The following PGAP1 variants were observed in gnomAD, a reference collection of about 807,000 sequenced individuals.
PGAP1 encodes the protein post-GPI attachment to proteins inositol deacylase 1, also known as GPI inositol-deacylase.
A neutral mutation model predicts 127.0 loss-of-function variants in PGAP1; 76 were observed. The observed-to-expected ratio is 0.60, with a 90% confidence interval of 0.50 to 0.72. The LOEUF is 0.72. PGAP1 is among the 30% of genes least tolerant of loss of function. The pLI is 0.00. For missense variants in PGAP1, 982 were observed against 1,071.3 expected (o/e 0.92, Z 1.16); for synonymous variants, 362 against 366.5 (o/e 0.99, Z 0.14).
rs1028098623 is a variant in PGAP1 at position 196,840,484 on chromosome 2, C to G, written c.*750G>C. Reference sequence around the variant, plus strand: ...ATACCAGGAAGCAAATAGCTACGAGCATTTTTTCTTTACATTTAACAGCAG... The same window carrying G: ...ATACCAGGAAGCAAATAGCTACGAGGATTTTTTCTTTACATTTAACAGCAG... On this transcript the variant is annotated 3_prime_UTR_variant, in exon 27 of 27. Transcript: ENST00000354764. 1.3e-5 allele frequency: 2 copies of G among 151,956 alleles called. No individual in the cohort carries two copies. The highest frequency in any genetic ancestry group is 1.3e-4 in the Admixed American group (2 of 15,262). The allele number at this position is 151,956 out of a possible 1,614,324, so 9.4% of individuals were successfully genotyped here. A position where few individuals can be genotyped will look rare whatever the true frequency, so the allele number is the denominator to read the frequency against.
chr2:196,905,595 G>C (rs553979697), intron 4 of PGAP1, among the ~76,000 whole-genome samples: 1 of 152,126 alleles, frequency 6.6e-6, no homozygotes, highest in Non-Finnish European at 1.5e-5. Context: ...CGGGAGGGAG[G>C]AGCCAAGATG....
intron 1 of PGAP1, among the ~76,000 whole-genome samples, chr2:196,921,452 C>A (rs1424604408): frequency 1.3e-5 from 2 of 151,890 alleles, no homozygotes; most frequent in East Asian, 1.9e-4. Flanking sequence ...AGAATACAAT[C>A]AAAAATGAAA....
chr2:196,889,804 A>G (rs1395945900), intron 10 of PGAP1, among the ~76,000 whole-genome samples: 1 of 148,022 alleles, frequency 6.8e-6, no homozygotes, highest in Non-Finnish European at 1.5e-5. Flanking sequence ...GCTTGCAGTG[A>G]GCCGAGACTG....
chr2:196,864,738 A>T (rs1343942743), intron 20 of PGAP1, among the ~76,000 whole-genome samples: 1 of 152,196 alleles, frequency 6.6e-6, no homozygotes, highest in African/African-American at 2.4e-5. Flanking sequence ...AAACGTAATA[A>T]AGATGCAGAG....
rs189053249 is a variant in PGAP1 at position 196,888,811 on chromosome 2, A to T, written c.1173+2017T>A. On this transcript the variant is annotated intron_variant, in intron 10 of 26. Transcript: ENST00000354764. Reference sequence around the variant, plus strand: ...TAATTTGGTTGGATGAAATAATGGTATTATGGTAATGTATAAAATCCTTAT... The same window carrying T: ...TAATTTGGTTGGATGAAATAATGGTTTTATGGTAATGTATAAAATCCTTAT... Among the ~76,000 whole-genome samples, 804 of 152,294 alleles carry T rather than the reference A, an allele frequency of 5.3e-3. 4 individuals are homozygous for T. Among genetic ancestry groups the T allele is most frequent in the Non-Finnish European group, 9.6e-3 (650 of 68,012 alleles).
chr2:196,899,806 G>A (rs1195537887), intron 5 of PGAP1, among the ~76,000 whole-genome samples: 7 of 149,182 alleles, frequency 4.7e-5, no homozygotes, highest in African/African-American at 2.6e-5. Flanking sequence ...GGCCGAGGCG[G>A]GTGGATCACC....
Position 196,890,862 on chromosome 2 carries a change from AT to A in PGAP1, c.1138del (p.Ile380SerfsTer22). On this transcript the variant is annotated frameshift_variant, in exon 10 of 27. Transcript: ENST00000354764. LOFTEE classifies it high-confidence loss of function. ...GCTCTGACAATAGACATGAGTGTAGATTTTTCTATGATTTTCAAGAGGAAAT... is the reference window on the plus strand; with the variant it reads ...GCTCTGACAATAGACATGAGTGTAGATTTTCTATGATTTTCAAGAGGAAAT... ...FTFPLENHRK[I>X]YTHVYCQSTM... 1.3e-6 allele frequency: 2 copies of A among 1,552,408 alleles called. No individual in the cohort carries two copies.
At chr2:196,905,042 A>G (rs1702648479) in intron 4 of PGAP1, among the ~76,000 whole-genome samples, 1 of 152,208 alleles carries the variant, frequency 6.6e-6, no homozygotes, top group Non-Finnish European at 1.5e-5. Flanking sequence ...ATATAGAATA[A>G]AAAGGAAAGA....
chr2:196,901,133 G>A (rs966453061), intron 5 of PGAP1, among the ~76,000 whole-genome samples: 6 of 152,156 alleles, frequency 3.9e-5, no homozygotes, highest in African/African-American at 1.2e-4. Flanking sequence ...TGACTAAATC[G>A]TCTGTGTTTA....
chr2:196,873,055 T>C (rs775786696), intron 16 of PGAP1, 29 bp from the exon 17 acceptor site: 5 of 672,104 alleles, frequency 7.4e-6, no homozygotes, highest in African/African-American at 5.7e-5. Context: ...AATGTATTAT[T>C]AACAACATGT....
intron 4 of PGAP1, among the ~76,000 whole-genome samples, chr2:196,905,528 CTG>C (rs1702668030): frequency 6.6e-6 from 1 of 152,122 alleles, no homozygotes; most frequent in South Asian, 2.1e-4. Context: ...TTTGGAGTCA[CTG>C]GGGAATATTT....
chr2:196,896,241 A>G (rs1702263826), intron 7 of PGAP1, among the ~76,000 whole-genome samples: 2 of 152,222 alleles, frequency 1.3e-5, no homozygotes, highest in African/African-American at 2.4e-5. Flanking sequence ...AATTACAGAC[A>G]AGGTAAAACT....
At position 196,885,895 on chromosome 2, in the gene PGAP1, CACAAA is replaced by C. The variant is rs749955389; in HGVS notation, c.1174-20_1174-16del. The C allele has an allele frequency of 5.8e-6, 8 of 1,382,648 alleles. No individual in the cohort carries two copies. Among genetic ancestry groups the C allele is most frequent in the Non-Finnish European group, 7.5e-6 (8 of 1,061,896 alleles). 85.6% of individuals were successfully genotyped at this position (1,382,648 alleles called of 1,614,324 possible). On this transcript the variant is annotated splice_polypyrimidine_tract_variant and intron_variant, in intron 10 of 26. Coordinates refer to ENST00000354764, the MANE Select transcript of PGAP1 (RefSeq NM_024989.4). Reference sequence around the variant, plus strand: ...CTATTTGTATCCTGTTGATGAACAGCACAAAACAAAACACACTAAGTATTGTAGAA... The same window carrying C: ...CTATTTGTATCCTGTTGATGAACAGCACAAAACACACTAAGTATTGTAGAA...
At chr2:196,899,673 G>A (rs761833930) in intron 5 of PGAP1, among the ~76,000 whole-genome samples, 6 of 152,334 alleles carry the variant, frequency 3.9e-5, no homozygotes, top group South Asian at 4.1e-4. Flanking sequence ...ACTGCTAAAT[G>A]TCTACCAAAA....
chr2:196,901,183 AT>A (rs1255360147), intron 5 of PGAP1, among the ~76,000 whole-genome samples: 2 of 152,190 alleles, frequency 1.3e-5, no homozygotes, highest in Non-Finnish European at 2.9e-5. Context: ...CTTCCAACAA[AT>A]ATCTGACCAA....
rs1366493438 is a variant in PGAP1, at chr2:196,839,287, A to G, written c.*1947T>C. On this transcript the variant is annotated 3_prime_UTR_variant, in exon 27 of 27. Transcript: ENST00000354764. ...TGTAATCTGTAACTTGAGATACACT[A>G]AAATATCAGGTGACAGAATAAAAGA... 6.6e-6 allele frequency: 1 copy of G among 152,564 alleles called. No individual in the cohort carries two copies. The highest frequency in any genetic ancestry group is 1.5e-5 in the Non-Finnish European group (1 of 68,036). The allele number at this position is 152,564 out of a possible 1,614,324, so 9.5% of individuals were successfully genotyped here.
In PGAP1 at chr2:196,885,171, A is replaced by T. The variant is rs921932159; in HGVS notation, c.1272+253T>A. Among the ~76,000 whole-genome samples the T allele has an allele frequency of 2.0e-5, 3 of 152,234 alleles. No individual in the cohort carries two copies. The East Asian group carries it at 5.8e-4, about 29-fold the overall frequency. On this transcript the variant is annotated intron_variant, in intron 12 of 26. Coordinates refer to ENST00000354764, the MANE Select transcript of PGAP1 (RefSeq NM_024989.4). ...CATCCAGTTCTTTTTGTATGAAGTT[A>T]TAATATACAGAGATTTAGAGGACTG... is the stretch of plus-strand genomic sequence containing the variant.
At chr2:196,868,442 G>A (rs1701312442) in intron 19 of PGAP1, among the ~76,000 whole-genome samples, 1 of 152,078 alleles carries the variant, frequency 6.6e-6, no homozygotes. Context: ...TCATAAACTG[G>A]CCTCCCTGTC....
At chr2:196,874,382 T>A (rs1174221623) in intron 14 of PGAP1, among the ~76,000 whole-genome samples, 1 of 152,106 alleles carries the variant, frequency 6.6e-6, no homozygotes, top group African/African-American at 2.4e-5. Flanking sequence ...GTCTACTTTA[T>A]CTCAGGAAGA....
Sources: gnomAD v4.1 joint callset for allele counts (sites outside exome capture counted in the v4.1 genomes callset) on GRCh38, gnomAD v4.1.1 for gene constraint, MANE v1.5 for transcripts, NCBI Gene and HGNC (gene_info 2026-07-23, HGNC 2026-07-21) for gene names.